The following PVT1 variants were observed in gnomAD, a reference collection of about 807,000 sequenced individuals.
The protein encoded by PVT1 is CXCR4/PVT1 fusion.
intron 5 of PVT1, among the ~76,000 whole-genome samples, chr8:128,084,722 C>A (rs2648892): frequency 0.67 from 102,568 of 152,056 alleles, 34,881 homozygotes; most frequent in East Asian, 0.83. Context: ...TGAGCCTGCT[C>A]AATTGGCCCT....
At chr8:127,984,842 TTTC>T (rs779126624) in intron 3 of PVT1, among the ~76,000 whole-genome samples, 20,489 of 51,730 alleles carry the variant, frequency 0.4, 4,135 homozygotes, top group Admixed American at 0.51. Context: ...TTTTCTTTTC[TTTC>T]TTTCTTTCTT....
At chr8:127,962,408 G>A (rs1816655467) in intron 3 of PVT1, among the ~76,000 whole-genome samples, 1 of 152,170 alleles carries the variant, frequency 6.6e-6, no homozygotes, top group Admixed American at 6.5e-5. Context: ...TAATCCTTAA[G>A]CCAGCACCTT....
chr8:127,916,623 A>C (rs1161695458), intron 3 of PVT1, among the ~76,000 whole-genome samples: 1 of 152,158 alleles, frequency 6.6e-6, no homozygotes, highest in Non-Finnish European at 1.5e-5. Flanking sequence ...TTTCTCTCAT[A>C]GTAGGAATTA....
At chr8:128,019,927 G>A (rs1284399215) in intron 4 of PVT1, among the ~76,000 whole-genome samples, 1 of 152,194 alleles carries the variant, frequency 6.6e-6, no homozygotes, top group African/African-American at 2.4e-5. Context: ...CCAATGACCT[G>A]TAGCCTAATC....
chr8:128,090,400 C>T (rs1814335605), intron 5 of PVT1, among the ~76,000 whole-genome samples: 1 of 152,108 alleles, frequency 6.6e-6, no homozygotes, highest in Non-Finnish European at 1.5e-5. Context: ...CCTTATTGTT[C>T]CATGGATGGA....
At chr8:127,862,285 A>G (rs1298128408) in intron 2 of PVT1, among the ~76,000 whole-genome samples, 2 of 152,014 alleles carry the variant, frequency 1.3e-5, no homozygotes, top group Non-Finnish European at 2.9e-5. Context: ...GCAGGTGCCT[A>G]TAATCCCAGC....
chr8:128,032,217 G>A (rs1025869077), intron 4 of PVT1, among the ~76,000 whole-genome samples: 3 of 152,210 alleles, frequency 2.0e-5, no homozygotes, highest in Non-Finnish European at 4.4e-5. Context: ...GAGGACATGG[G>A]TGTAGAAACG....
At chr8:127,904,567 A>G (rs1351260117) in intron 3 of PVT1, among the ~76,000 whole-genome samples, 1 of 152,196 alleles carries the variant, frequency 6.6e-6, no homozygotes, top group Non-Finnish European at 1.5e-5. Context: ...TGTGGTAGCC[A>G]ATACCTGGGA....
intron 2 of PVT1, among the ~76,000 whole-genome samples, chr8:127,837,138 C>A (rs1814918313): frequency 6.6e-6 from 1 of 152,218 alleles, no homozygotes; most frequent in South Asian, 2.1e-4. Flanking sequence ...CACGCCCCTT[C>A]AGCCATAATT....
In PVT1 at chr8:127,935,213, G is replaced by T. The variant is rs558252717; in HGVS notation, n.782+44215G>T. On this transcript the variant is annotated intron_variant and non_coding_transcript_variant, in intron 3 of 10. Transcript: ENST00000651587. ...GCTCCGGACCTCAGGTGATCTGCCC[G>T]CCTCGGCCTCCCAAAGTGCTGGGAT... 9.2e-5 allele frequency among the ~76,000 whole-genome samples: 14 copies of T among 152,206 alleles called. No homozygotes were observed. In the South Asian group the frequency reaches 1.9e-3, roughly 20 times the overall value.
chr8:127,970,795 G>A (rs1816757460), intron 3 of PVT1, among the ~76,000 whole-genome samples: 1 of 152,140 alleles, frequency 6.6e-6, no homozygotes, highest in South Asian at 2.1e-4. Flanking sequence ...TCAAAAAACT[G>A]AGAATCACTA....
intron 2 of PVT1, among the ~76,000 whole-genome samples, chr8:127,796,622 C>A (rs1814399531): frequency 6.6e-6 from 1 of 152,136 alleles, no homozygotes; most frequent in Admixed American, 6.5e-5. Context: ...CTATAAGACA[C>A]CCTGTTCTTT....
chr8:127,851,196 G>T (rs1815104027), intron 2 of PVT1, among the ~76,000 whole-genome samples: 1 of 152,148 alleles, frequency 6.6e-6, no homozygotes, highest in South Asian at 2.1e-4. Flanking sequence ...CGGGTGTTGT[G>T]AGTCATTTGC....
intron 4 of PVT1, among the ~76,000 whole-genome samples, chr8:128,000,778 G>A (rs1017840098): frequency 2.0e-5 from 3 of 152,144 alleles, no homozygotes; most frequent in East Asian, 1.9e-4. Flanking sequence ...AACCAGCTGC[G>A]TTGTGCTACT....
At chr8:128,004,748 T>C (rs1336877521) in intron 4 of PVT1, among the ~76,000 whole-genome samples, 1 of 152,198 alleles carries the variant, frequency 6.6e-6, no homozygotes, top group Non-Finnish European at 1.5e-5. Context: ...CAAGTTACTT[T>C]CCCTCTCTGA....
chr8:127,888,036 G>A (rs999413122), intron 2 of PVT1, among the ~76,000 whole-genome samples: 5 of 145,036 alleles, frequency 3.4e-5, no homozygotes, highest in African/African-American at 1.3e-4. Context: ...GGCCTCCTGG[G>A]TTCAAGCCAT....
In PVT1 at chr8:127,945,093, G is replaced by C. The variant is rs1404367117; in HGVS notation, n.783-44069G>C. 4.6e-5 allele frequency among the ~76,000 whole-genome samples: 7 copies of C among 152,168 alleles called. No individual in the cohort carries two copies. The East Asian group carries it at 1.2e-3, about 25-fold the overall frequency. On this transcript the variant is annotated intron_variant and non_coding_transcript_variant, in intron 3 of 10. Coordinates refer to ENST00000651587, the Ensembl canonical transcript of PVT1. ...GGGTGAGTGTGTGTGTGGGAAGTTGGATCAGAGGAGAATGAACAATGAACA... is the reference window on the plus strand; with the variant it reads ...GGGTGAGTGTGTGTGTGGGAAGTTGCATCAGAGGAGAATGAACAATGAACA...
intron 4 of PVT1, among the ~76,000 whole-genome samples, chr8:128,042,734 G>GTTTTATTTTAT (rs144761934): frequency 7.7e-6 from 1 of 129,762 alleles, no homozygotes; most frequent in Non-Finnish European, 1.6e-5. Context: ...GGACTAGGTG[G>GTTTTATTTTAT]TTTATTTTAT....
chr8:128,049,572 G>A (rs1813662828), intron 4 of PVT1, among the ~76,000 whole-genome samples: 1 of 152,186 alleles, frequency 6.6e-6, no homozygotes, highest in South Asian at 2.1e-4. Flanking sequence ...TCTCTGCCTT[G>A]TTTTGTGCCC....
Sources: gnomAD v4.1 joint callset for allele counts (sites outside exome capture counted in the v4.1 genomes callset) on GRCh38, gnomAD v4.1.1 for gene constraint, MANE v1.5 for transcripts, NCBI Gene and HGNC (gene_info 2026-07-23, HGNC 2026-07-21) for gene names.